The following TTN variants were observed in gnomAD, a reference collection of about 807,000 sequenced individuals.
TTN encodes titin, also known as connectin.
In TTN, 1,525 loss-of-function variants were observed where a neutral mutation model predicts 3,223.0. That is an observed-to-expected ratio of 0.47 (90% CI 0.45 to 0.49). TTN has a LOEUF of 0.49. Among genes scored for constraint, TTN ranks in the 20% least tolerant of loss-of-function variants. The pLI is 0.00. For synonymous variants in TTN, 14,094 were observed against 15,161.0 expected, an observed-to-expected ratio of 0.93 and a Z score of 5.17; for missense variants, 40,786 against 43,424.0, an observed-to-expected ratio of 0.94 and a Z score of 5.40.
intron 354 of TTN, chr2:178,538,171 G>C: frequency 3.9e-6 from 2 of 506,494 alleles, no homozygotes; most frequent in Non-Finnish European, 6.9e-6. Flanking sequence ...ATAATGTATA[G>C]GCTTTTAAGG....
At chr2:178,652,402 T>C (rs2063184960) in intron 202 of TTN, 55 bp from the exon 203 acceptor site, 2 of 1,611,404 alleles carry the variant, frequency 1.2e-6, no homozygotes, top group Non-Finnish European at 1.7e-6. Context: ...ACTAGAAAAA[T>C]ACTTTCCAGA....
At chr2:178,685,051 G>C in intron 129 of TTN, 62 bp from the exon 130 acceptor site, 1 of 1,374,314 alleles carries the variant, frequency 7.3e-7, no homozygotes, top group Non-Finnish European at 1.0e-6. Context: ...CACAGTTGTG[G>C]GGCTTAGCAT....
Position 178,725,826 on chromosome 2 carries a change from G to A in TTN, c.20496C>T (p.His6832=), listed in dbSNP as rs1282270193. The A allele has an allele frequency of 1.9e-6, 3 of 1,612,946 alleles. No individual in the cohort carries two copies. The highest frequency in any genetic ancestry group is 2.5e-6 in the Non-Finnish European group (3 of 1,179,298). Residue 6832 remains histidine (H), a synonymous_variant, in exon 70 of 363, where the codon CAC becomes CAT. Transcript: ENST00000589042. ...NVDTSDIGEY[H]CKAQNEVGSD... is the part of the protein sequence containing the mutation. ...TTCCCACTTCATTCTGTGCTTTGCAGTGGTATTCACCGATGTCTGAAGTGT... is the reference window on the plus strand; with the variant it reads ...TTCCCACTTCATTCTGTGCTTTGCAATGGTATTCACCGATGTCTGAAGTGT...
At chr2:178,622,065 C>T in intron 243 of TTN, 57 bp from the exon 244 acceptor site, 1 of 1,489,326 alleles carries the variant, frequency 6.7e-7, no homozygotes, top group South Asian at 1.3e-5. Flanking sequence ...CACAGGTGTC[C>T]TTAAGAAAAA....
At position 178,795,208 on chromosome 2, in the gene TTN, G is replaced by A; in HGVS notation, c.959C>T (p.Ser320Phe). 1.2e-6 allele frequency: 2 copies of A among 1,614,154 alleles called. No homozygotes were observed. The highest frequency in any genetic ancestry group is 1.3e-5 in the African/African-American group (1 of 75,050). The change falls in exon 7 of 363, where the codon TCT becomes TTT. Residue 320 changes from serine (S) to phenylalanine (F), a missense_variant. Physicochemically the swap from Ser to Phe is radical, Grantham distance 155. Transcript: ENST00000589042. Reference sequence around the variant, plus strand: ...ACGCATGAGCAATGGAGACCTAACAGACCTGATGGGGGATGTGGAGATTCT... The same window carrying A: ...ACGCATGAGCAATGGAGACCTAACAAACCTGATGGGGGATGTGGAGATTCT... ...AARISTSPIR[S>F]VRSPLLMRKT... is the part of the protein sequence containing the mutation.
At position 178,528,760 on chromosome 2, in the gene TTN, A is replaced by G; in HGVS notation, c.106991T>C (p.Ile35664Thr). The G allele has an allele frequency of 6.2e-7, 1 of 1,612,712 alleles. No homozygotes were observed. The change falls in exon 360 of 363, where the codon ATC (isoleucine) becomes ACC (threonine). Residue 35664 changes from isoleucine to threonine, a missense_variant. Transcript: ENST00000589042. Reference protein sequence around the residue: ...GVSGSDQTLTIKQASHRDEGI... With the variant: ...GVSGSDQTLTTKQASHRDEGI... ...TTCATCTCTGTGACTGGCTTGCTTG[A>G]TGGTTAGGGTCTGATCGCTGCCTGA...
chr2:178,760,529 T>C (rs570188294), intron 43 of TTN, among the ~76,000 whole-genome samples: 9 of 152,102 alleles, frequency 5.9e-5, no homozygotes, highest in Non-Finnish European at 1.3e-4. Flanking sequence ...TATATACATA[T>C]AAAGAAAATG....
rs1576428224 is a variant in TTN, at chr2:178,612,155, A to G, written c.50256T>C (p.Pro16752=). ...SVLAKDTFTT[P]GPPYALAVVD... is the part of the protein sequence containing the mutation. Reference sequence around the variant, plus strand: ...CCACTGCCAGGGCGTAGGGTGGTCCAGGAGTGGCTGAAAATAAAATAAACA... The same window carrying G: ...CCACTGCCAGGGCGTAGGGTGGTCCGGGAGTGGCTGAAAATAAAATAAACA... Residue 16752 remains proline (P), a synonymous_variant, in exon 267 of 363, where the codon CCT becomes CCC. Coordinates refer to ENST00000589042, the MANE Select transcript of TTN (RefSeq NM_001267550.2). 1 of 1,609,014 alleles carries G rather than the reference A, an allele frequency of 6.2e-7. No individual in the cohort carries two copies. Among genetic ancestry groups the G allele is most frequent in the African/African-American group, 1.3e-5 (1 of 74,754 alleles).
intron 250 of TTN, 127 bp downstream of exon 250, chr2:178,619,494 G>T: frequency 8.3e-7 from 1 of 1,211,158 alleles, no homozygotes; most frequent in Non-Finnish European, 1.1e-6. Context: ...AATTAGAGTT[G>T]TTAACATGTG....
chr2:178,599,854 GATT>G lies in TTN; in HGVS notation c.56051-7_56051-5del, dbSNP rs774966673. The G allele has an allele frequency of 3.9e-6, 6 of 1,545,650 alleles. No homozygotes were observed. The highest frequency in any genetic ancestry group is 5.2e-6 in the Non-Finnish European group (6 of 1,150,990). On this transcript the variant is annotated splice_polypyrimidine_tract_variant and splice_region_variant and intron_variant, in intron 288 of 362. Transcript: ENST00000589042. ...TTTAGATCAATTGATGGTGGGCCTA[GATT>G]ATTTAAAAAAAGTTGTCATTAGGAG...
At position 178,549,342 on chromosome 2, in the gene TTN, T is replaced by G. The variant is rs747890554; in HGVS notation, c.92284A>C (p.Lys30762Gln). Residue 30762 changes from lysine to glutamine, a missense_variant, in exon 339 of 363, where the codon AAA (lysine) becomes CAA (glutamine). Lys to Gln is a moderately conservative substitution (Grantham distance 53). Transcript: ENST00000589042. ...ATCACTTTTACCCATCTTGTGCTTT[T>G]CTTTTCTCTTCTTTCAAGGATATAC... is the stretch of plus-strand genomic sequence containing the variant. ...QQYILERREK[K>Q]STRWVKVISK... 4 of 1,613,930 alleles carry G rather than the reference T, an allele frequency of 2.5e-6. No homozygotes were observed. Among genetic ancestry groups the G allele is most frequent in the Admixed American group, 1.7e-5 (1 of 60,012 alleles).
rs568964771 is a variant in TTN, at chr2:178,729,564, G to T, written c.18592C>A (p.Pro6198Thr). 6 of 1,611,904 alleles carry T rather than the reference G, an allele frequency of 3.7e-6. No homozygotes were observed. The Admixed American group carries it at 5.0e-5, about 14-fold the overall frequency. ...TTCAGCTCTCTGATAAAGGTGGGGG[G>T]TTCTAAAGATTCAAAAGGAAGACAG... ...SCSIELKVKEPPTFIRELKPV... is the reference protein window; with the variant it reads ...SCSIELKVKETPTFIRELKPV... The change falls in exon 64 of 363, where the codon CCC becomes ACC. Residue 6198 changes from proline (P) to threonine (T), a missense_variant and splice_region_variant. By Grantham distance (38) the Pro-to-Thr change is conservative. Transcript: ENST00000589042.
In TTN at chr2:178,782,536, T is replaced by C. The variant is rs763033761; in HGVS notation, c.3164+3A>G. ...ACAGCTACTAATTAGCAAAATATTT[T>C]ACCGTTTCTCTTCTGTAGTAAATTT... On this transcript the variant is annotated splice_donor_region_variant and intron_variant, in intron 19 of 362. Coordinates refer to ENST00000589042, the MANE Select transcript of TTN (RefSeq NM_001267550.2). 1.2e-6 allele frequency: 2 copies of C among 1,613,978 alleles called. No homozygotes were observed. The highest frequency in any genetic ancestry group is 2.2e-5 in the South Asian group (2 of 91,062).
At position 178,544,030 on chromosome 2, in the gene TTN, T is replaced by C; in HGVS notation, c.96114A>G (p.Val32038=). Residue 32038 remains valine (V), a synonymous_variant, in exon 346 of 363, where the codon GTA becomes GTG. Coordinates refer to ENST00000589042, the MANE Select transcript of TTN (RefSeq NM_001267550.2). ...TTATGACAGGAGGTGGTCTTCCAGA[T>C]ACAGACACCATCAAGCGCAAGGAGG... ...AGASLRLMVS[V]SGRPPPVITW... is the part of the protein sequence containing the mutation. The C allele has an allele frequency of 6.2e-7, 1 of 1,613,676 alleles. No homozygotes were observed. The highest frequency in any genetic ancestry group is 8.5e-7 in the Non-Finnish European group (1 of 1,179,706).
rs1483112146 is a variant in TTN, at chr2:178,617,861, A to G, written c.47490T>C (p.Ser15830=). Residue 15830 remains serine (S), a synonymous_variant, in exon 253 of 363, where the codon AGT becomes AGC. Transcript: ENST00000589042. Reference sequence around the variant, plus strand: ...TTCGATTTTGGGCTCTCACTCGGAAACTGTACTCCTGTCCTTCTACCACAT... The same window carrying G: ...TTCGATTTTGGGCTCTCACTCGGAAGCTGTACTCCTGTCCTTCTACCACAT... ...VTDVVEGQEY[S]FRVRAQNRIG... 15 of 1,612,464 alleles carry G rather than the reference A, an allele frequency of 9.3e-6. No individual in the cohort carries two copies. The highest frequency in any genetic ancestry group is 1.2e-5 in the Non-Finnish European group (14 of 1,179,082).
At chr2:178,528,122 T>G (rs974408917) in intron 361 of TTN, 152 bp downstream of exon 361, 1 of 874,440 alleles carries the variant, frequency 1.1e-6, no homozygotes, top group African/African-American at 1.7e-5. Flanking sequence ...TAAAGAAAGT[T>G]TGACTACAAG....
chr2:178,697,030 A>C, intron 113 of TTN, 91 bp downstream of exon 113: 2 of 1,171,828 alleles, frequency 1.7e-6, no homozygotes, highest in Non-Finnish European at 2.4e-6. Context: ...AACTTTCAAT[A>C]AGTTGGAAGC....
At chr2:178,716,536 G>A (rs368027091) in intron 88 of TTN, among the ~76,000 whole-genome samples, 9 of 152,092 alleles carry the variant, frequency 5.9e-5, no homozygotes, top group Non-Finnish European at 1.3e-4. Context: ...CAGTAGCAGC[G>A]ATAAACATGT....
Position 178,776,745 on chromosome 2 carries a change from T to A in TTN, c.5119A>T (p.Lys1707Ter). 2 of 1,614,128 alleles carry A rather than the reference T, an allele frequency of 1.2e-6. No homozygotes were observed. Among genetic ancestry groups the A allele is most frequent in the Non-Finnish European group, 1.7e-6 (2 of 1,180,022 alleles). ...TTAAGTCTTAAGGAAGTGAGTTTTT[T>A]CTTGAAAAATGGTTTCTGTTGTTTC... ...KEKQQKPFFK[K>*]KLTSLRLKRF... Residue 1707 changes from lysine (K) to a stop codon, truncating the protein, a stop_gained, in exon 28 of 363, where the codon AAA (lysine) becomes TAA (stop). Transcript: ENST00000589042. LOFTEE classifies it high-confidence loss of function.
Sources: allele counts gnomAD v4.1 joint callset (sites outside exome capture counted in the v4.1 genomes callset), GRCh38; gene constraint gnomAD v4.1.1; transcripts MANE v1.5; gene names NCBI Gene and HGNC (gene_info 2026-07-23, HGNC 2026-07-21).